Variants in CRTC3 observed in about 807,000 individuals in gnomAD.
CRTC3 encodes CREB-regulated transcription coactivator 3.
Under a neutral mutation model 74.5 loss-of-function variants are expected in CRTC3, and 26 were observed. That is an observed-to-expected ratio of 0.35 (90% CI 0.26 to 0.48). The LOEUF (loss-of-function observed/expected upper bound fraction) is 0.48, where lower values mean the gene tolerates loss of function less well. CRTC3 is among the 20% of genes least tolerant of loss of function. The pLI is 0.99. For synonymous variants in CRTC3, 377 were observed against 325.8 expected (o/e 1.16, Z -1.69); for missense variants, 760 against 787.3 (o/e 0.97, Z 0.41).
intron 2 of CRTC3, among the ~76,000 whole-genome samples, chr15:90,570,746 C>T (rs562275560): frequency 6.6e-6 from 1 of 152,260 alleles, no homozygotes; most frequent in East Asian, 1.9e-4. Context: ...AATACAAAGC[C>T]AAAGTCCCCA....
intron 2 of CRTC3, among the ~76,000 whole-genome samples, chr15:90,547,333 C>T (rs1459996377): frequency 6.6e-6 from 1 of 152,120 alleles, no homozygotes; most frequent in Non-Finnish European, 1.5e-5. Flanking sequence ...CTTGTTCTTC[C>T]TGTCTACTCC....
At chr15:90,598,386 A>G in intron 3 of CRTC3, 1 of 691,382 alleles carries the variant, frequency 1.4e-6, no homozygotes, top group East Asian at 2.8e-5. Flanking sequence ...TCTTATCAGA[A>G]GAAGAAGAGC....
rs765312867 is a variant in CRTC3, at chr15:90,629,273, C to T, written c.1007C>T (p.Thr336Met). The T allele has an allele frequency of 6.2e-6, 10 of 1,614,148 alleles. No homozygotes were observed. The highest frequency in any genetic ancestry group is 2.2e-5 in the South Asian group (2 of 91,080). Reference sequence around the variant, plus strand: ...CGGAGTAACCCCTCCATCCAAGCCACGCTCAATAAGACTGTGCTTTCCTCT... The same window carrying T: ...CGGAGTAACCCCTCCATCCAAGCCATGCTCAATAAGACTGTGCTTTCCTCT... ...SSRSNPSIQA[T>M]LNKTVLSSSL... The change falls in exon 11 of 15, where the codon ACG becomes ATG. Residue 336 changes from threonine (T) to methionine (M), a missense_variant. Transcript: ENST00000268184.
At chr15:90,534,875 T>G (rs1261107976) in intron 1 of CRTC3, among the ~76,000 whole-genome samples, 1 of 152,100 alleles carries the variant, frequency 6.6e-6, no homozygotes, top group Non-Finnish European at 1.5e-5. Context: ...AGGTGAACTG[T>G]GAGGCCAGGC....
chr15:90,619,875 C>T, intron 9 of CRTC3, 85 bp downstream of exon 9: 1 of 1,165,204 alleles, frequency 8.6e-7, no homozygotes, highest in South Asian at 1.3e-5. Flanking sequence ...ACAGAACTCT[C>T]AGAAACGTAA....
At chr15:90,560,653 C>T (rs1596083664) in intron 2 of CRTC3, among the ~76,000 whole-genome samples, 1 of 152,212 alleles carries the variant, frequency 6.6e-6, no homozygotes, top group East Asian at 1.9e-4. Context: ...AGGCCACCAG[C>T]TCTGCAGATC....
At chr15:90,546,813 CG>C (rs1229908730) in intron 2 of CRTC3, among the ~76,000 whole-genome samples, 9 of 152,100 alleles carry the variant, frequency 5.9e-5, no homozygotes, top group South Asian at 4.1e-4. Context: ...GTATTAGAGA[CG>C]GGGTTTCACT....
chr15:90,563,972 T>C (rs1654421632), intron 2 of CRTC3, among the ~76,000 whole-genome samples: 1 of 152,238 alleles, frequency 6.6e-6, no homozygotes, highest in African/African-American at 2.4e-5. Context: ...AAAAATGTAC[T>C]GAACTTTTGC....
intron 6 of CRTC3, among the ~76,000 whole-genome samples, chr15:90,612,052 T>G (rs1362726870): frequency 8.1e-6 from 1 of 122,734 alleles, no homozygotes; most frequent in African/African-American, 3.1e-5. Flanking sequence ...CTCCTCCTCC[T>G]CCTCCGCCTC....
intron 2 of CRTC3, among the ~76,000 whole-genome samples, chr15:90,554,246 C>G (rs1466042322): frequency 1.3e-5 from 2 of 151,706 alleles, no homozygotes; most frequent in African/African-American, 4.8e-5. Context: ...CTCTGTCACC[C>G]AGGCTGGAGT....
chr15:90,642,067 A>G lies in CRTC3; in HGVS notation c.1787A>G (p.Asn596Ser), dbSNP rs1221426923. The G allele has an allele frequency of 6.8e-6, 11 of 1,613,924 alleles. 1 individual carries two copies. The highest frequency in any genetic ancestry group is 6.7e-5 in the East Asian group (3 of 44,894). Reference sequence around the variant, plus strand: ...GAACCCCTGAGCCTGGACGGACTCAACATGTTAAGTGACTCCAGCATGGGC... The same window carrying G: ...GAACCCCTGAGCCTGGACGGACTCAGCATGTTAAGTGACTCCAGCATGGGC... The part of the protein sequence containing the change: ...QIEPLSLDGL[N>S]MLSDSSMGLL... The change falls in exon 15 of 15, where the codon AAC becomes AGC. Residue 596 changes from asparagine (N) to serine (S), a missense_variant. Physicochemically the swap from Asn to Ser is conservative, Grantham distance 46. This residue lies in a region of CRTC3 where 652 missense variants were observed against 635.2 expected (regional missense o/e 1.03). Coordinates refer to ENST00000268184, the MANE Select transcript of CRTC3 (RefSeq NM_022769.5).
rs1968202545 is a variant in CRTC3, at chr15:90,605,816, G to A, written c.476+1369G>A. On this transcript the variant is annotated intron_variant, in intron 5 of 14. Transcript: ENST00000268184. ...TTACCGTAAAGTCCTTTCTATGGCC[G>A]ACAGTTTGACCTTATGATGAGATAA... is the stretch of plus-strand genomic sequence containing the variant. Among the ~76,000 whole-genome samples, 3 of 152,210 alleles carry A rather than the reference G, an allele frequency of 2.0e-5. No individual in the cohort carries two copies. In the South Asian group the frequency reaches 6.2e-4, roughly 32 times the overall value.
intron 6 of CRTC3, among the ~76,000 whole-genome samples, chr15:90,611,735 A>G (rs1044123382): frequency 3.3e-5 from 5 of 152,090 alleles, no homozygotes; most frequent in African/African-American, 1.2e-4. Flanking sequence ...CCTCACTGCC[A>G]GTATCCTACT....
chr15:90,536,260 G>A (rs1432926753), intron 1 of CRTC3, among the ~76,000 whole-genome samples: 1 of 152,084 alleles, frequency 6.6e-6, no homozygotes, highest in Non-Finnish European at 1.5e-5. Context: ...CTCTGGCCAG[G>A]TGCCATGGCT....
At chr15:90,568,088 A>T (rs1967168045) in intron 2 of CRTC3, among the ~76,000 whole-genome samples, 2 of 152,234 alleles carry the variant, frequency 1.3e-5, no homozygotes. Flanking sequence ...GGGGTTCAAG[A>T]CTTCAGTGGA....
At chr15:90,574,153 CATTTAAGTA>C (rs1295622227) in intron 2 of CRTC3, among the ~76,000 whole-genome samples, 1 of 152,076 alleles carries the variant, frequency 6.6e-6, no homozygotes, top group African/African-American at 2.4e-5. Context: ...TATTAATGAA[CATTTAAGTA>C]ATTTACAGAT....
chr15:90,642,924 T>C lies in CRTC3; in HGVS notation c.*784T>C. 4.3e-6 allele frequency: 1 copy of C among 232,972 alleles called. No homozygotes were observed. Among genetic ancestry groups the C allele is most frequent in the Middle Eastern group, 1.3e-3 (1 of 788 alleles). 14.4% of individuals were successfully genotyped at this position (232,972 alleles called of 1,614,324 possible). A position where few individuals can be genotyped will look rare whatever the true frequency, so the allele number is the denominator to read the frequency against. On this transcript the variant is annotated 3_prime_UTR_variant, in exon 15 of 15. Transcript: ENST00000268184. ...GGAAGGAAGACAGGGACTGCAGGTG[T>C]CTCATACTCAGTGGCCTCCAGACAA...
At chr15:90,586,072 C>A (rs8024877) in intron 2 of CRTC3, among the ~76,000 whole-genome samples, 20,709 of 152,126 alleles carry the variant, frequency 0.14, 1,913 homozygotes, top group African/African-American at 0.27. Context: ...ATGCAAGTAC[C>A]CATTCCCAGT....
intron 2 of CRTC3, among the ~76,000 whole-genome samples, chr15:90,568,382 G>A (rs560683069): frequency 2.1e-4 from 32 of 151,702 alleles, no homozygotes; most frequent in Admixed American, 1.3e-3. Flanking sequence ...AAATAGTCTC[G>A]CTCTGTCACC....
Sources: allele counts gnomAD v4.1 joint callset (sites outside exome capture counted in the v4.1 genomes callset), GRCh38; gene constraint gnomAD v4.1.1; regional missense constraint gnomAD v4.1.1; transcripts MANE v1.5; gene names NCBI Gene and HGNC (gene_info 2026-07-23, HGNC 2026-07-21).